TMTC2: variants seen among roughly 807,000 people sequenced by gnomAD.
The protein encoded by TMTC2 is protein O-mannosyl-transferase TMTC2.
A neutral mutation model predicts 82.4 loss-of-function variants in TMTC2; 43 were observed. That is an observed-to-expected ratio of 0.52 (90% CI 0.41 to 0.67). The LOEUF (loss-of-function observed/expected upper bound fraction) is 0.67, where lower values mean the gene tolerates loss of function less well. Ranked by LOEUF, TMTC2 falls within the 30% of genes least tolerant of loss-of-function variation. The pLI, the probability that TMTC2 is intolerant of heterozygous loss-of-function variation, is 0.00. For synonymous variants in TMTC2, 408 were observed against 381.9 expected (o/e 1.07, Z -0.80); for missense variants, 919 against 1,012.4 (o/e 0.91, Z 1.25).
intron 1 of TMTC2, among the ~76,000 whole-genome samples, chr12:82,829,397 C>G (rs1036324710): frequency 1.3e-5 from 2 of 152,122 alleles, no homozygotes; most frequent in African/African-American, 2.4e-5. Flanking sequence ...TTGTGAGTAG[C>G]AAATCCAGGA....
At chr12:82,993,054 G>A (rs945914446) in intron 8 of TMTC2, among the ~76,000 whole-genome samples, 3 of 151,846 alleles carry the variant, frequency 2.0e-5, no homozygotes, top group East Asian at 1.9e-4. Context: ...GCACGATTTC[G>A]GCTCACTGCA....
Position 82,789,284 on chromosome 12 carries a change from A to G in TMTC2, c.84-67726A>G, listed in dbSNP as rs537065346. 2.6e-5 allele frequency among the ~76,000 whole-genome samples: 4 copies of G among 152,260 alleles called. No individual in the cohort carries two copies. In the East Asian group the frequency reaches 5.8e-4, roughly 22 times the overall value. ...ACCATCTAGAACTGTGTCAGGGGAA[A>G]AAAGAGAATTGCAACCTGTGGGGTC... On this transcript the variant is annotated intron_variant, in intron 1 of 11. Transcript: ENST00000321196.
chr12:82,938,080 A>G (rs1876505240), intron 4 of TMTC2, among the ~76,000 whole-genome samples: 1 of 151,296 alleles, frequency 6.6e-6, no homozygotes, highest in African/African-American at 2.4e-5. Context: ...CACCCGGCTA[A>G]TTTTTGTATT....
intron 2 of TMTC2, among the ~76,000 whole-genome samples, chr12:82,865,243 A>G (rs1407689449): frequency 6.6e-6 from 1 of 151,958 alleles, no homozygotes; most frequent in Non-Finnish European, 1.5e-5. Flanking sequence ...AAGACCCATC[A>G]CTGTGCTGTA....
intron 3 of TMTC2, among the ~76,000 whole-genome samples, chr12:82,925,246 A>T (rs11115489): frequency 0.019 from 2,933 of 152,260 alleles, 106 homozygotes; most frequent in African/African-American, 0.067. Context: ...ATTTTATTGT[A>T]TAGATCCCAC....
intron 11 of TMTC2, among the ~76,000 whole-genome samples, chr12:83,099,382 G>A (rs564135610): frequency 3.9e-5 from 6 of 152,082 alleles, no homozygotes; most frequent in South Asian, 4.1e-4. Context: ...TTCTTACTGC[G>A]CACAACATCT....
At chr12:82,961,262 T>C (rs112892060) in intron 4 of TMTC2, among the ~76,000 whole-genome samples, 127,611 of 150,072 alleles carry the variant, frequency 0.85, 55,553 homozygotes, top group East Asian at 1. Context: ...GGATTTCTGT[T>C]TATCATGTTA....
intron 8 of TMTC2, among the ~76,000 whole-genome samples, chr12:83,013,626 T>C (rs1880552247): frequency 6.6e-6 from 1 of 152,260 alleles, no homozygotes; most frequent in South Asian, 2.1e-4. Flanking sequence ...CATACTCATC[T>C]GTAGCCATTT....
chr12:82,705,199 G>A (rs1873291984), intron 1 of TMTC2, among the ~76,000 whole-genome samples: 1 of 152,150 alleles, frequency 6.6e-6, no homozygotes, highest in Admixed American at 6.5e-5. Context: ...GAGAGGGTGG[G>A]TAGAGGGTGA....
At chr12:82,833,199 C>A (rs1869842926) in intron 1 of TMTC2, among the ~76,000 whole-genome samples, 1 of 152,020 alleles carries the variant, frequency 6.6e-6, no homozygotes, top group African/African-American at 2.4e-5. Flanking sequence ...TTTAAGGTAG[C>A]AAGATGGAAA....
At chr12:82,903,998 A>C (rs1436302690) in intron 3 of TMTC2, among the ~76,000 whole-genome samples, 8 of 152,166 alleles carry the variant, frequency 5.3e-5, no homozygotes, top group Non-Finnish European at 7.3e-5. Flanking sequence ...TGTGTGTGAC[A>C]TATGCTTCCA....
intron 2 of TMTC2, among the ~76,000 whole-genome samples, chr12:82,892,683 A>T (rs1394561216): frequency 1.3e-5 from 2 of 152,018 alleles, no homozygotes; most frequent in Admixed American, 1.3e-4. Flanking sequence ...CTGTTTTTGT[A>T]ATGCTTTCTC....
chr12:82,825,072 A>G (rs1304956462), intron 1 of TMTC2, among the ~76,000 whole-genome samples: 4 of 151,792 alleles, frequency 2.6e-5, no homozygotes, highest in African/African-American at 9.7e-5. Flanking sequence ...CTGAGTGACA[A>G]AACAAGACTC....
chr12:83,045,257 A>C (rs1440969105), intron 9 of TMTC2, among the ~76,000 whole-genome samples: 1 of 152,184 alleles, frequency 6.6e-6, no homozygotes, highest in African/African-American at 2.4e-5. Context: ...ATTACTTTAA[A>C]AAATAATTTC....
At chr12:82,971,127 A>C (rs1841734343) in intron 7 of TMTC2, among the ~76,000 whole-genome samples, 1 of 152,090 alleles carries the variant, frequency 6.6e-6, no homozygotes, top group African/African-American at 2.4e-5. Flanking sequence ...TTATAAAATA[A>C]TCTCTTTAAT....
chr12:82,804,484 C>T (rs962639845), intron 1 of TMTC2, among the ~76,000 whole-genome samples: 2 of 152,064 alleles, frequency 1.3e-5, no homozygotes, highest in African/African-American at 4.8e-5. Flanking sequence ...TTCTTCACTC[C>T]TGGACTTTTT....
Position 82,842,257 on chromosome 12 carries a change from T to C in TMTC2, c.84-14753T>C, listed in dbSNP as rs549153678. Among the ~76,000 whole-genome samples, 336 of 152,354 alleles carry C rather than the reference T, an allele frequency of 2.2e-3. 1 individual carries two copies. The highest frequency in any genetic ancestry group is 0.01 in the Middle Eastern group (3 of 294). ...GATAATATGTGTGCTTTGTAAACTT[T>C]GTCAATCTCAATGTAAATATGATGT... On this transcript the variant is annotated intron_variant, in intron 1 of 11. Transcript: ENST00000321196.
intron 1 of TMTC2, among the ~76,000 whole-genome samples, chr12:82,841,836 G>A (rs902985562): frequency 2.0e-5 from 3 of 152,122 alleles, no homozygotes; most frequent in Non-Finnish European, 4.4e-5. Context: ...TTTTCCACCC[G>A]TCACTGCAAG....
At chr12:82,903,243 T>C (rs1450451905) in intron 3 of TMTC2, among the ~76,000 whole-genome samples, 3 of 152,178 alleles carry the variant, frequency 2.0e-5, no homozygotes, top group Non-Finnish European at 4.4e-5. Context: ...TCCACCTCTG[T>C]CTTACTGAGC....
Sources: gnomAD v4.1 joint callset for allele counts (sites outside exome capture counted in the v4.1 genomes callset) on GRCh38, gnomAD v4.1.1 for gene constraint, MANE v1.5 for transcripts, NCBI Gene and HGNC (gene_info 2026-07-23, HGNC 2026-07-21) for gene names.